The following CLSTN1 variants were observed in gnomAD, a reference collection of about 807,000 sequenced individuals.
CLSTN1 encodes the protein calsyntenin 1, also known as calsyntenin-1.
In CLSTN1, 28 loss-of-function variants were observed where a neutral mutation model predicts 108.3. The ratio of observed to expected loss-of-function variants is 0.26; its 90% CI spans 0.19 to 0.35. CLSTN1 has a LOEUF of 0.35. Ranked by LOEUF, CLSTN1 falls within the 10% of genes least tolerant of loss-of-function variation. The pLI is 1.00. For synonymous variants in CLSTN1, 524 were observed against 534.9 expected, an observed-to-expected ratio of 0.98 and a Z score of 0.28; for missense variants, 1,157 against 1,302.6, an observed-to-expected ratio of 0.89 and a Z score of 1.72.
chr1:9,797,268 G>A lies in CLSTN1; in HGVS notation c.92-23874C>T, dbSNP rs116124822. ...AGAGTCTGAGTCCTGACTGGGCAAT[G>A]CAGTGAGACCCTGTCCAAAAGAAAG... On this transcript the variant is annotated intron_variant, in intron 1 of 18. Coordinates refer to ENST00000377298, the MANE Select transcript of CLSTN1 (RefSeq NM_001009566.3). Among the ~76,000 whole-genome samples, 1,286 of 152,082 alleles carry A rather than the reference G, an allele frequency of 8.5e-3. 21 individuals are homozygous for A. The highest frequency in any genetic ancestry group is 0.042 in the East Asian group (217 of 5,160).
intron 1 of CLSTN1, among the ~76,000 whole-genome samples, chr1:9,818,078 G>A (rs1434007909): frequency 6.8e-6 from 1 of 147,912 alleles, no homozygotes; most frequent in African/African-American, 2.5e-5. Flanking sequence ...TGTGACCTTG[G>A]CTCACTGCAG....
chr1:9,787,650 C>T (rs1653559253), intron 1 of CLSTN1, among the ~76,000 whole-genome samples: 1 of 151,332 alleles, frequency 6.6e-6, no homozygotes, highest in Non-Finnish European at 1.5e-5. Context: ...GATCCACCTG[C>T]CTTGGCCTCC....
chr1:9,774,020 G>A (rs947782233), intron 1 of CLSTN1, among the ~76,000 whole-genome samples: 2 of 152,144 alleles, frequency 1.3e-5, no homozygotes, highest in South Asian at 2.1e-4. Flanking sequence ...GGGATTACAG[G>A]CGTGAGCCAC....
chr1:9,759,621 G>A (rs1180946380), intron 2 of CLSTN1, among the ~76,000 whole-genome samples: 1 of 152,214 alleles, frequency 6.6e-6, no homozygotes, highest in Non-Finnish European at 1.5e-5. Flanking sequence ...CTGGAACACA[G>A]ACATGCTCAT....
At chr1:9,790,804 T>C (rs1027014453) in intron 1 of CLSTN1, among the ~76,000 whole-genome samples, 4 of 150,734 alleles carry the variant, frequency 2.7e-5, no homozygotes, top group African/African-American at 9.7e-5. Context: ...AATCAGGGTG[T>C]GACGATCGCA....
At chr1:9,791,056 C>T (rs528874601) in intron 1 of CLSTN1, among the ~76,000 whole-genome samples, 9 of 148,886 alleles carry the variant, frequency 6.0e-5, no homozygotes, top group South Asian at 2.3e-4. Context: ...GGCGTGAACC[C>T]GGGAGGCGGG....
intron 1 of CLSTN1, among the ~76,000 whole-genome samples, chr1:9,782,406 G>A (rs1445167549): frequency 6.6e-6 from 1 of 151,936 alleles, no homozygotes; most frequent in East Asian, 1.9e-4. Flanking sequence ...AATAAATCTT[G>A]AATGGTTATT....
intron 2 of CLSTN1, among the ~76,000 whole-genome samples, chr1:9,760,839 T>C (rs1652037851): frequency 6.6e-6 from 1 of 151,678 alleles, no homozygotes; most frequent in African/African-American, 2.4e-5. Context: ...CAGTTCATGG[T>C]AGTCAAATGC....
rs145152463 is a variant in CLSTN1 at position 9,794,973 on chromosome 1, T to C, written c.92-21579A>G. On this transcript the variant is annotated intron_variant, in intron 1 of 18. Coordinates refer to ENST00000377298, the MANE Select transcript of CLSTN1 (RefSeq NM_001009566.3). ...TCTTAACAGCTGTTACCCAAAATAC[T>C]GTCACCAACTGACTAGGATTGTCTA... 7.3e-5 allele frequency among the ~76,000 whole-genome samples: 11 copies of C among 150,396 alleles called. 1 individual carries two copies. The highest frequency in any genetic ancestry group is 2.7e-4 in the African/African-American group (11 of 41,244).
intron 1 of CLSTN1, among the ~76,000 whole-genome samples, chr1:9,779,036 AAAGAAGAAGAAG>A (rs550799833): frequency 6.6e-6 from 1 of 151,234 alleles, no homozygotes; most frequent in African/African-American, 2.4e-5. Flanking sequence ...AAAAAAAAAA[AAAGAAGAAGAAG>A]AAGAAGAAGG....
At chr1:9,756,706 T>G (rs1405854679) in intron 2 of CLSTN1, among the ~76,000 whole-genome samples, 196 bp from the exon 3 acceptor site, 1 of 152,218 alleles carries the variant, frequency 6.6e-6, no homozygotes, top group South Asian at 2.1e-4. Flanking sequence ...CATGAACTAC[T>G]GCATAATTCT....
chr1:9,775,642 T>C (rs1652903920), intron 1 of CLSTN1, among the ~76,000 whole-genome samples: 2 of 152,092 alleles, frequency 1.3e-5, no homozygotes, highest in Non-Finnish European at 1.5e-5. Context: ...CTTAAGAGGG[T>C]TAACAGCTTC....
chr1:9,813,835 C>T (rs1050516130), intron 1 of CLSTN1, among the ~76,000 whole-genome samples: 2 of 151,998 alleles, frequency 1.3e-5, no homozygotes, highest in African/African-American at 2.4e-5. Context: ...CGCGGTGGCT[C>T]GCACCTGTAA....
intron 4 of CLSTN1, among the ~76,000 whole-genome samples, chr1:9,754,631 G>A (rs988672351): frequency 4.6e-5 from 7 of 151,886 alleles, no homozygotes; most frequent in African/African-American, 9.7e-5. Flanking sequence ...CCAGGCAGGC[G>A]GATCACCTGA....
At chr1:9,807,020 G>T (rs1016017019) in intron 1 of CLSTN1, among the ~76,000 whole-genome samples, 1 of 151,908 alleles carries the variant, frequency 6.6e-6, no homozygotes, top group South Asian at 2.1e-4. Flanking sequence ...GTGGGGGGGG[G>T]TCTGGAGCAG....
At position 9,731,240 on chromosome 1, in the gene CLSTN1, T is replaced by G. The variant is rs777853230; in HGVS notation, c.2714A>C (p.Asp905Ala). 1.2e-6 allele frequency: 2 copies of G among 1,613,966 alleles called. No individual in the cohort carries two copies. The highest frequency in any genetic ancestry group is 1.7e-6 in the Non-Finnish European group (2 of 1,179,994). ...GTTGACGGTGATGGTCAGGGCAGAG[T>G]CGTCCCAGTCCATCTCGTTCTCCTT... Reference protein sequence around the residue: ...TGKENEMDWDDSALTITVNPM... With the variant: ...TGKENEMDWDASALTITVNPM... Residue 905 changes from aspartate (D) to alanine (A), a missense_variant, in exon 18 of 19, where the codon GAC (aspartate) becomes GCC (alanine). Transcript: ENST00000377298.
intron 2 of CLSTN1, among the ~76,000 whole-genome samples, chr1:9,760,437 G>A (rs1000268175): frequency 1.3e-5 from 2 of 152,032 alleles, no homozygotes; most frequent in Non-Finnish European, 2.9e-5. Flanking sequence ...TACCTCAAGG[G>A]GCCATTTGTG....
intron 5 of CLSTN1, among the ~76,000 whole-genome samples, chr1:9,750,909 CA>C (rs1557698050): frequency 6.6e-6 from 1 of 151,464 alleles, no homozygotes; most frequent in African/African-American, 2.4e-5. Flanking sequence ...ACAACAACAA[CA>C]AAAAATTAGC....
At chr1:9,732,889 C>G (rs1650482286) in intron 16 of CLSTN1, among the ~76,000 whole-genome samples, 1 of 152,242 alleles carries the variant, frequency 6.6e-6, no homozygotes, top group Admixed American at 6.5e-5. Flanking sequence ...GGATGCTGCT[C>G]TTTCTAAAAC....
Sources: gnomAD v4.1 joint callset for allele counts (sites outside exome capture counted in the v4.1 genomes callset) on GRCh38, gnomAD v4.1.1 for gene constraint, MANE v1.5 for transcripts, NCBI Gene and HGNC (gene_info 2026-07-23, HGNC 2026-07-21) for gene names.